SLC35D2: variants seen among roughly 807,000 people sequenced by gnomAD.
SLC35D2 encodes the protein solute carrier family 35 member D2.
Under a neutral mutation model 41.8 loss-of-function variants are expected in SLC35D2, and 43 were observed. The ratio of observed to expected loss-of-function variants is 1.03; its 90% CI spans 0.81 to 1.33. The LOEUF (loss-of-function observed/expected upper bound fraction) is 1.33. SLC35D2 is among the 40% of genes most tolerant of loss of function. The pLI is 0.00. For missense variants in SLC35D2, 380 were observed against 408.4 expected (o/e 0.93, Z 0.60); for synonymous variants, 150 against 163.9 (o/e 0.92, Z 0.65).
At chr9:96,319,072 T>G (rs1449626148), downstream of SLC35D2, among the ~76,000 whole-genome samples, 1 of 152,160 alleles carries the variant, frequency 6.6e-6, no homozygotes, top group Non-Finnish European at 1.5e-5. Context: ...ACACCCATAT[T>G]AATAGCAGCA....
chr9:96,382,435 C>G lies in SLC35D2; in HGVS notation c.158+1042G>C, dbSNP rs1831230764. 2.0e-5 allele frequency among the ~76,000 whole-genome samples: 3 copies of G among 150,126 alleles called. No homozygotes were observed. The Admixed American group carries it at 2.0e-4, about 10-fold the overall frequency. ...TGTCACTACACTCCAGCCTAGGCAACAGAGTGAAACCTTGTCTCAAAAAAA... is the reference window on the plus strand; with the variant it reads ...TGTCACTACACTCCAGCCTAGGCAAGAGAGTGAAACCTTGTCTCAAAAAAA... On this transcript the variant is annotated intron_variant, in intron 1 of 11. Coordinates refer to ENST00000253270, the MANE Select transcript of SLC35D2 (RefSeq NM_007001.3).
chr9:96,371,251 G>A (rs1184096340), intron 1 of SLC35D2, among the ~76,000 whole-genome samples: 1 of 152,046 alleles, frequency 6.6e-6, no homozygotes, highest in South Asian at 2.1e-4. Context: ...GATCACCTGA[G>A]GTCAGGAGTT....
chr9:96,379,540 C>A (rs1319036555), intron 1 of SLC35D2, among the ~76,000 whole-genome samples: 1 of 152,060 alleles, frequency 6.6e-6, no homozygotes, highest in Non-Finnish European at 1.5e-5. Context: ...AAAAAGTATC[C>A]CCTGAGCTAC....
intron 1 of SLC35D2, among the ~76,000 whole-genome samples, chr9:96,371,724 T>TTC (rs1830698476): frequency 9.3e-6 from 1 of 107,532 alleles, no homozygotes; most frequent in Non-Finnish European, 2.0e-5. Context: ...ATTTCTTTTT[T>TTC]TTTTTTTTTT....
At chr9:96,359,416 A>C (rs1830173114) in intron 4 of SLC35D2, among the ~76,000 whole-genome samples, 1 of 151,454 alleles carries the variant, frequency 6.6e-6, no homozygotes, top group Non-Finnish European at 1.5e-5. Context: ...TGGGCCGGGC[A>C]CAGTGGCTCA....
At chr9:96,381,956 G>A (rs1224254162) in intron 1 of SLC35D2, among the ~76,000 whole-genome samples, 1 of 152,054 alleles carries the variant, frequency 6.6e-6, no homozygotes, top group East Asian at 1.9e-4. Context: ...CTCCAGCCCA[G>A]GCACTCTCAC....
chr9:96,345,235 C>G, intron 7 of SLC35D2, 64 bp downstream of exon 7: 1 of 818,714 alleles, frequency 1.2e-6, no homozygotes, highest in Non-Finnish European at 2.0e-6. Context: ...CATTCATTTT[C>G]ATTTTTCATA....
chr9:96,349,975 G>T (rs1020958812), intron 6 of SLC35D2, among the ~76,000 whole-genome samples: 2 of 152,094 alleles, frequency 1.3e-5, no homozygotes, highest in East Asian at 3.9e-4. Context: ...ACTAGATGAG[G>T]CTCTGAGAAC....
rs1477496086 is a variant in SLC35D2 at position 96,383,696 on chromosome 9, C to G, written c.-62G>C. 1.8e-4 allele frequency: 169 copies of G among 961,086 alleles called. 3 individuals are homozygous for G. Among genetic ancestry groups the G allele is most frequent in the Non-Finnish European group, 3.0e-5 (24 of 806,144 alleles). 59.5% of individuals were successfully genotyped at this position (961,086 alleles called of 1,614,324 possible). ...CCGGCTGCGCACTGGTCCCGCCCGG[C>G]CGGGCCGGGGAAGAGGGCGCGGCAG... is the stretch of plus-strand genomic sequence containing the variant. On this transcript the variant is annotated 5_prime_UTR_variant, in exon 1 of 12. Coordinates refer to ENST00000253270, the MANE Select transcript of SLC35D2 (RefSeq NM_007001.3).
intron 11 of SLC35D2, among the ~76,000 whole-genome samples, chr9:96,321,740 C>T (rs73654884): frequency 0.057 from 8,649 of 152,162 alleles, 665 homozygotes; most frequent in African/African-American, 0.17. Context: ...GGGCAGAGAA[C>T]GCAGGGGCCT....
chr9:96,318,108 T>C (rs1224636388), downstream of SLC35D2, among the ~76,000 whole-genome samples: 1 of 112,670 alleles, frequency 8.9e-6, no homozygotes, highest in African/African-American at 3.7e-5. Flanking sequence ...TTACTATTTG[T>C]GCTTGTAGAC....
chr9:96,316,253 C>T (rs1828049891), downstream of SLC35D2, among the ~76,000 whole-genome samples: 1 of 152,156 alleles, frequency 6.6e-6, no homozygotes, highest in Non-Finnish European at 1.5e-5. Flanking sequence ...GTAATCTCAG[C>T]ACTTTGGGAG....
At chr9:96,373,227 A>G (rs1830785708) in intron 1 of SLC35D2, among the ~76,000 whole-genome samples, 1 of 152,218 alleles carries the variant, frequency 6.6e-6, no homozygotes, top group African/African-American at 2.4e-5. Flanking sequence ...GCCACTTGCT[A>G]TGTGGAGCTA....
In SLC35D2 at chr9:96,336,781, T is replaced by C. The variant is rs150233547; in HGVS notation, c.688A>G (p.Thr230Ala). ...ACATTCTTCCATTGGTTGAATTCAG[T>C]AGCCTATTATTAAAAAGAAAAAAAC... ...SVSTGDLQQA[T>A]EFNQWKNVVF... The change falls in exon 9 of 12, where the codon ACT (threonine) becomes GCT (alanine). Residue 230 changes from threonine to alanine, a missense_variant. Thr to Ala is a moderately conservative substitution (Grantham distance 58). Coordinates refer to ENST00000253270, the MANE Select transcript of SLC35D2 (RefSeq NM_007001.3). 5.4e-5 allele frequency: 84 copies of C among 1,555,386 alleles called. No homozygotes were observed. In the African/African-American group the frequency reaches 7.9e-4, roughly 15 times the overall value.
At chr9:96,335,435 C>T (rs1014532171) in intron 9 of SLC35D2, among the ~76,000 whole-genome samples, 12 of 152,168 alleles carry the variant, frequency 7.9e-5, no homozygotes, top group African/African-American at 2.9e-4. Context: ...TCTTGGCTCA[C>T]TGCAACCTCC....
downstream of SLC35D2, among the ~76,000 whole-genome samples, chr9:96,319,373 A>G (rs1265565007): frequency 6.6e-6 from 1 of 152,158 alleles, no homozygotes; most frequent in Non-Finnish European, 1.5e-5. Flanking sequence ...TTTCATGGGT[A>G]CAGAGTTTCG....
intron 6 of SLC35D2, among the ~76,000 whole-genome samples, chr9:96,349,415 A>C (rs1829716936): frequency 6.6e-6 from 1 of 152,108 alleles, no homozygotes; most frequent in Non-Finnish European, 1.5e-5. Flanking sequence ...AAGGATATAG[A>C]AGCACCTGCA....
At chr9:96,352,549 T>C (rs934104360) in intron 4 of SLC35D2, among the ~76,000 whole-genome samples, 1 of 151,946 alleles carries the variant, frequency 6.6e-6, no homozygotes, top group African/African-American at 2.4e-5. Flanking sequence ...CTCAAACACC[T>C]GACCTAAGGT....
intron 1 of SLC35D2, among the ~76,000 whole-genome samples, chr9:96,374,766 A>C (rs1468754453): frequency 1.3e-5 from 2 of 150,560 alleles, no homozygotes; most frequent in Non-Finnish European, 1.5e-5. Flanking sequence ...TGAACCCGGA[A>C]GGCAGAGCTT....
Sources: gnomAD v4.1 joint callset for allele counts (sites outside exome capture counted in the v4.1 genomes callset) on GRCh38, gnomAD v4.1.1 for gene constraint, MANE v1.5 for transcripts, NCBI Gene and HGNC (gene_info 2026-07-23, HGNC 2026-07-21) for gene names.